PLA2G4A: variants seen among roughly 807,000 people sequenced by gnomAD.
PLA2G4A encodes phospholipase A2 group IVA, also known as cytosolic phospholipase A2.
Under a neutral mutation model 81.9 loss-of-function variants are expected in PLA2G4A, and 40 were observed. The ratio of observed to expected loss-of-function variants is 0.49; its 90% confidence interval spans 0.38 to 0.64. The LOEUF (loss-of-function observed/expected upper bound fraction) is 0.64. Ranked by LOEUF, PLA2G4A falls within the 30% of genes least tolerant of loss-of-function variation. The pLI is 0.00. For synonymous variants in PLA2G4A, 302 were observed against 296.9 expected (o/e 1.02, Z -0.18); for missense variants, 715 against 905.1 (o/e 0.79, Z 2.69).
chr1:186,911,988 C>T (rs1654961162), intron 7 of PLA2G4A, among the ~76,000 whole-genome samples: 1 of 152,030 alleles, frequency 6.6e-6, no homozygotes. Context: ...TGTCTAAAGG[C>T]AGGAGAAAAG....
chr1:186,894,570 A>G (rs12720535), intron 5 of PLA2G4A, among the ~76,000 whole-genome samples: 4,896 of 152,250 alleles, frequency 0.032, 277 homozygotes, highest in African/African-American at 0.11. Flanking sequence ...GCAGAGAGAG[A>G]GAGAGAGAGA....
chr1:186,912,019 A>G (rs927216383), intron 7 of PLA2G4A, among the ~76,000 whole-genome samples: 2 of 152,182 alleles, frequency 1.3e-5, no homozygotes, highest in African/African-American at 2.4e-5. Context: ...GTTCAAGGAC[A>G]GAGAGACAAT....
At chr1:186,872,281 G>T (rs553890392) in intron 3 of PLA2G4A, among the ~76,000 whole-genome samples, 1 of 151,782 alleles carries the variant, frequency 6.6e-6, no homozygotes, top group Non-Finnish European at 1.5e-5. Flanking sequence ...TGAAAGAAAG[G>T]CCCCTGCGAA....
intron 5 of PLA2G4A, among the ~76,000 whole-genome samples, chr1:186,902,833 C>T (rs544757145): frequency 1.3e-5 from 2 of 149,106 alleles, no homozygotes; most frequent in South Asian, 2.1e-4. Flanking sequence ...ACTCCTTTTT[C>T]GGACTCAGTC....
intron 10 of PLA2G4A, among the ~76,000 whole-genome samples, chr1:186,941,312 A>G (rs1325537337): frequency 6.6e-6 from 1 of 152,150 alleles, no homozygotes; most frequent in Non-Finnish European, 1.5e-5. Flanking sequence ...ATATATCCAG[A>G]ATCCTTTTGT....
intron 8 of PLA2G4A, among the ~76,000 whole-genome samples, chr1:186,937,650 T>A (rs1477687573): frequency 6.6e-6 from 1 of 151,592 alleles, no homozygotes; most frequent in East Asian, 1.9e-4. Context: ...TCCAAGGAAC[T>A]CAAACCCAAT....
At chr1:186,938,873 T>G (rs1240156211) in intron 8 of PLA2G4A, 135 bp from the exon 9 acceptor site, 2 of 679,588 alleles carry the variant, frequency 2.9e-6, no homozygotes, top group African/African-American at 3.6e-5. Flanking sequence ...CTTAAATGTT[T>G]TAATATCTGC....
chr1:186,928,291 C>A (rs1279863073), intron 7 of PLA2G4A, among the ~76,000 whole-genome samples: 1 of 152,130 alleles, frequency 6.6e-6, no homozygotes, highest in Non-Finnish European at 1.5e-5. Context: ...AAGCAAATGT[C>A]CCATATCAGA....
chr1:186,975,370 T>C (rs1657495428), intron 15 of PLA2G4A, among the ~76,000 whole-genome samples: 1 of 152,222 alleles, frequency 6.6e-6, no homozygotes, highest in Non-Finnish European at 1.5e-5. Flanking sequence ...TATTCATAAG[T>C]GGTGTTGAGA....
intron 10 of PLA2G4A, among the ~76,000 whole-genome samples, chr1:186,945,017 A>G (rs1656287827): frequency 6.6e-6 from 1 of 152,170 alleles, no homozygotes; most frequent in African/African-American, 2.4e-5. Flanking sequence ...AAGATATTAC[A>G]GACATATTAT....
chr1:186,950,723 C>A lies in PLA2G4A; in HGVS notation c.1331C>A (p.Pro444His). 1.3e-6 allele frequency: 2 copies of A among 1,582,746 alleles called. No individual in the cohort carries two copies. Among genetic ancestry groups the A allele is most frequent in the Non-Finnish European group, 1.7e-6 (2 of 1,151,864 alleles). Residue 444 changes from proline (P) to histidine (H), a missense_variant, in exon 13 of 18, where the codon CCC becomes CAC. Pro to His is a moderately conservative substitution (Grantham distance 77). Transcript: ENST00000367466. ...SSDSDDESHE[P>H]KGTENEDAGS... ...GACAGTGATGATGAATCACACGAAC[C>A]CAAAGGTGAGTGAGCCGGAAACTTT...
chr1:186,865,534 A>G (rs1458291750), intron 2 of PLA2G4A, among the ~76,000 whole-genome samples: 1 of 152,182 alleles, frequency 6.6e-6, no homozygotes, highest in Non-Finnish European at 1.5e-5. Context: ...GAAGGTGCCT[A>G]TTGCCAGTTG....
intron 5 of PLA2G4A, among the ~76,000 whole-genome samples, chr1:186,895,890 T>C (rs1654316063): frequency 1.3e-5 from 2 of 152,170 alleles, no homozygotes; most frequent in South Asian, 4.1e-4. Flanking sequence ...CTTCCGTTCC[T>C]CAGTTTAATC....
chr1:186,962,053 C>G (rs906944355), intron 14 of PLA2G4A, among the ~76,000 whole-genome samples: 1 of 152,174 alleles, frequency 6.6e-6, no homozygotes. Context: ...CCGTTAGTGA[C>G]TCAGTGGCCA....
At chr1:186,910,949 T>C (rs541793443) in intron 6 of PLA2G4A, among the ~76,000 whole-genome samples, 1 of 152,358 alleles carries the variant, frequency 6.6e-6, no homozygotes, top group South Asian at 2.1e-4. Context: ...CAGGGTTCTT[T>C]ACTGAAGCCC....
intron 17 of PLA2G4A, among the ~76,000 whole-genome samples, chr1:186,983,083 CA>C (rs542890862): frequency 0.32 from 31,925 of 98,750 alleles, 4,465 homozygotes; most frequent in African/African-American, 0.51. Flanking sequence ...GAGTCTGTCT[CA>C]AAAAAAAAAA....
intron 3 of PLA2G4A, among the ~76,000 whole-genome samples, chr1:186,884,739 C>A (rs1653869956): frequency 6.6e-6 from 1 of 151,844 alleles, no homozygotes; most frequent in Admixed American, 6.6e-5. Context: ...ATTAGCTGAG[C>A]ATGATGGTGT....
intron 3 of PLA2G4A, 116 bp downstream of exon 3, chr1:186,870,632 T>C: frequency 5.0e-6 from 6 of 1,202,964 alleles, no homozygotes; most frequent in Non-Finnish European, 7.3e-6. Flanking sequence ...TATGTTTGTC[T>C]AGATCTTTGA....
chr1:186,975,655 CT>C (rs1657505382), intron 15 of PLA2G4A, among the ~76,000 whole-genome samples: 1 of 152,142 alleles, frequency 6.6e-6, no homozygotes, highest in African/African-American at 2.4e-5. Flanking sequence ...GATTGGGAGC[CT>C]GCTATGTCAG....
Sources: gnomAD v4.1 joint callset for allele counts (sites outside exome capture counted in the v4.1 genomes callset) on GRCh38, gnomAD v4.1.1 for gene constraint, MANE v1.5 for transcripts, NCBI Gene and HGNC (gene_info 2026-07-23, HGNC 2026-07-21) for gene names.